The following CSMD3 variants were observed in gnomAD, a reference collection of about 807,000 sequenced individuals.
The protein encoded by CSMD3 is CUB and sushi domain-containing protein 3.
A neutral mutation model predicts 435.2 loss-of-function variants in CSMD3; 177 were observed. The ratio of observed to expected loss-of-function variants is 0.41; its 90% CI spans 0.36 to 0.46. CSMD3 has a LOEUF of 0.46. CSMD3 is among the 20% of genes least tolerant of loss of function. The probability of loss-of-function intolerance (pLI) is 0.34; values close to 1 mark genes in which losing one functional copy is unlikely to be tolerated. For missense variants in CSMD3, 4,265 were observed against 4,504.6 expected (o/e 0.95, Z 1.52); for synonymous variants, 1,656 against 1,520.5 (o/e 1.09, Z -2.07).
At chr8:113,069,821 G>A (rs142017779) in intron 5 of CSMD3, among the ~76,000 whole-genome samples, 888 of 152,196 alleles carry the variant, frequency 5.8e-3, no homozygotes, top group Non-Finnish European at 8.9e-3. Flanking sequence ...GCCCCTTTAT[G>A]ACTGTCTTGC....
At chr8:112,696,145 C>A (rs574341163) in intron 13 of CSMD3, among the ~76,000 whole-genome samples, 2 of 152,148 alleles carry the variant, frequency 1.3e-5, no homozygotes, top group African/African-American at 2.4e-5. Context: ...AATGGCTATA[C>A]TGCCCAAGGT....
At chr8:112,287,947 C>T (rs1819373895) in intron 57 of CSMD3, among the ~76,000 whole-genome samples, 1 of 151,676 alleles carries the variant, frequency 6.6e-6, no homozygotes, top group Non-Finnish European at 1.5e-5. Context: ...TTTACCTAGT[C>T]GTTTTATCAT....
chr8:112,715,979 G>T (rs1022550160), intron 13 of CSMD3, among the ~76,000 whole-genome samples: 1 of 152,140 alleles, frequency 6.6e-6, no homozygotes, highest in African/African-American at 2.4e-5. Flanking sequence ...CACTGAGTGG[G>T]CAAAAGCTGG....
intron 22 of CSMD3, among the ~76,000 whole-genome samples, chr8:112,621,861 T>C (rs959011153): frequency 1.3e-5 from 2 of 152,144 alleles, no homozygotes; most frequent in African/African-American, 4.8e-5. Context: ...TGTAACTTTT[T>C]CTCAAATATG....
chr8:113,245,164 CTT>C (rs1485320970), intron 3 of CSMD3, among the ~76,000 whole-genome samples: 1 of 151,982 alleles, frequency 6.6e-6, no homozygotes, highest in Non-Finnish European at 1.5e-5. Flanking sequence ...AAAAGTGTCT[CTT>C]TTGGATGGTA....
chr8:112,474,284 A>C (rs1818823819), intron 31 of CSMD3, among the ~76,000 whole-genome samples: 1 of 152,092 alleles, frequency 6.6e-6, no homozygotes, highest in African/African-American at 2.4e-5. Context: ...AAGTTTGCCA[A>C]CCCCCGAACT....
chr8:113,424,992 T>C (rs912377707), intron 1 of CSMD3, among the ~76,000 whole-genome samples: 1 of 151,562 alleles, frequency 6.6e-6, no homozygotes, highest in African/African-American at 2.4e-5. Context: ...AAAGCCTGCT[T>C]CAAATAGATG....
chr8:112,304,048 T>C (rs1821177018), intron 52 of CSMD3, among the ~76,000 whole-genome samples: 1 of 152,164 alleles, frequency 6.6e-6, no homozygotes, highest in Non-Finnish European at 1.5e-5. Flanking sequence ...TTATGTATAT[T>C]AGATACTGGC....
intron 6 of CSMD3, among the ~76,000 whole-genome samples, chr8:113,016,078 T>A (rs1405532628): frequency 1.3e-5 from 2 of 151,786 alleles, no homozygotes; most frequent in Admixed American, 1.3e-4. Context: ...TAAATAACTT[T>A]TTTTTTTAAT....
intron 4 of CSMD3, among the ~76,000 whole-genome samples, chr8:113,101,315 A>G (rs1564315983): frequency 6.6e-6 from 1 of 152,136 alleles, no homozygotes; most frequent in Non-Finnish European, 1.5e-5. Flanking sequence ...ATGTAAGACC[A>G]TGCCAAGCCA....
chr8:113,087,734 A>G (rs1292644099), intron 5 of CSMD3, among the ~76,000 whole-genome samples: 1 of 152,224 alleles, frequency 6.6e-6, no homozygotes, highest in African/African-American at 2.4e-5. Context: ...CTTAAATTTT[A>G]GACCTAAAAC....
chr8:112,930,446 A>G (rs1161600640), intron 9 of CSMD3, among the ~76,000 whole-genome samples: 2 of 152,134 alleles, frequency 1.3e-5, no homozygotes, highest in East Asian at 1.9e-4. Context: ...TCAGAGAGAA[A>G]TAAACCAGTT....
intron 2 of CSMD3, among the ~76,000 whole-genome samples, chr8:113,303,493 G>C (rs1200333324): frequency 1.3e-5 from 2 of 151,670 alleles, no homozygotes; most frequent in Non-Finnish European, 2.9e-5. Context: ...GAGGCATCAT[G>C]CTACCTGACT....
At chr8:112,694,923 C>G (rs538377795) in intron 13 of CSMD3, among the ~76,000 whole-genome samples, 34 of 152,194 alleles carry the variant, frequency 2.2e-4, no homozygotes, top group African/African-American at 7.9e-4. Flanking sequence ...AACTGAGGTA[C>G]CAGGTTCATC....
chr8:112,544,000 T>C (rs979509567), intron 27 of CSMD3, among the ~76,000 whole-genome samples: 3 of 152,152 alleles, frequency 2.0e-5, no homozygotes, highest in Admixed American at 6.6e-5. Flanking sequence ...ACTTCACTTA[T>C]ATGAGGTATC....
chr8:113,436,280 A>G (rs561679205), intron 1 of CSMD3, among the ~76,000 whole-genome samples: 1 of 152,350 alleles, frequency 6.6e-6, no homozygotes, highest in South Asian at 2.1e-4. Flanking sequence ...AAAAGCATTT[A>G]GACCAGCGTC....
intron 69 of CSMD3, among the ~76,000 whole-genome samples, chr8:112,230,269 T>C (rs1044657086): frequency 5.3e-5 from 8 of 152,202 alleles, no homozygotes; most frequent in Non-Finnish European, 1.2e-4. Context: ...AAATGCACTA[T>C]GTTAATGAGT....
At chr8:113,313,687 C>T (rs955709917) in intron 2 of CSMD3, 1 of 152,150 alleles carries the variant, frequency 6.6e-6, no homozygotes, top group Non-Finnish European at 1.5e-5. Context: ...AGAATCATAA[C>T]TCAAACATAG....
chr8:113,358,013 C>T (rs2094244141), intron 1 of CSMD3, among the ~76,000 whole-genome samples: 3 of 152,250 alleles, frequency 2.0e-5, no homozygotes, highest in Middle Eastern at 3.4e-3. Flanking sequence ...CAGACTAATA[C>T]CGAGTATGCA....
Sources: allele counts gnomAD v4.1 joint callset (sites outside exome capture counted in the v4.1 genomes callset), GRCh38; gene constraint gnomAD v4.1.1; transcripts MANE v1.5; gene names NCBI Gene and HGNC (gene_info 2026-07-23, HGNC 2026-07-21).